Variants in LRRC4C observed in about 807,000 individuals in gnomAD.
LRRC4C encodes the protein leucine rich repeat containing 4C.
Under a neutral mutation model 33.6 loss-of-function variants are expected in LRRC4C, and 5 were observed. The ratio of observed to expected loss-of-function variants is 0.15; its 90% CI spans 0.08 to 0.31. The LOEUF (loss-of-function observed/expected upper bound fraction) is 0.31. Ranked by LOEUF, LRRC4C falls within the 10% of genes least tolerant of loss-of-function variation. LRRC4C has a pLI of 1.00. For synonymous variants in LRRC4C, 329 were observed against 302.0 expected (o/e 1.09, Z -0.93); for missense variants, 560 against 796.7 (o/e 0.70, Z 3.58).
At position 41,025,794 on chromosome 11, in the gene LRRC4C, G is replaced by A. The variant is rs547594879; in HGVS notation, c.-495-92071C>T. ...CATCTAGAACTTTCATAGCTAGAGA[G>A]AAAAAGACAATGTCTAGTTTCAAAG... On this transcript the variant is annotated intron_variant, in intron 1 of 6. Transcript: ENST00000528697. Among the ~76,000 whole-genome samples, 7 of 151,820 alleles carry A rather than the reference G, an allele frequency of 4.6e-5. No homozygotes were observed. In the South Asian group the frequency reaches 1.4e-3, roughly 31 times the overall value.
At chr11:40,743,015 G>A (rs1239106880) in intron 2 of LRRC4C, among the ~76,000 whole-genome samples, 2 of 151,914 alleles carry the variant, frequency 1.3e-5, no homozygotes, top group Non-Finnish European at 2.9e-5. Context: ...CTACAACTTG[G>A]GAAAGGTAGA....
At chr11:41,238,944 T>A (rs1275472354) in intron 1 of LRRC4C, among the ~76,000 whole-genome samples, 1 of 151,990 alleles carries the variant, frequency 6.6e-6, no homozygotes, top group Non-Finnish European at 1.5e-5. Flanking sequence ...TTTCCCATAT[T>A]ATATATTTTT....
chr11:40,441,705 AT>A (rs1565392044), intron 3 of LRRC4C, among the ~76,000 whole-genome samples: 1 of 152,214 alleles, frequency 6.6e-6, no homozygotes, highest in Non-Finnish European at 1.5e-5. Flanking sequence ...GAAGTCTTCT[AT>A]GAGAAGGTGA....
chr11:41,389,294 G>A (rs1000007690), intron 1 of LRRC4C, among the ~76,000 whole-genome samples: 1 of 151,736 alleles, frequency 6.6e-6, no homozygotes, highest in South Asian at 2.1e-4. Context: ...GAAAACCAAG[G>A]TTCCAAGAGT....
chr11:40,558,004 C>G (rs985318330), intron 3 of LRRC4C, among the ~76,000 whole-genome samples: 2 of 152,092 alleles, frequency 1.3e-5, no homozygotes, highest in Non-Finnish European at 2.9e-5. Flanking sequence ...TAGGGCAACA[C>G]CACAAAGATT....
intron 1 of LRRC4C, among the ~76,000 whole-genome samples, chr11:41,317,590 A>G (rs2137241389): frequency 6.6e-6 from 1 of 152,060 alleles, no homozygotes; most frequent in East Asian, 1.9e-4. Context: ...CTATTTTCCT[A>G]TAGTTAAACT....
At chr11:40,333,387 T>C (rs1434245509) in intron 3 of LRRC4C, among the ~76,000 whole-genome samples, 1 of 152,170 alleles carries the variant, frequency 6.6e-6, no homozygotes, top group Non-Finnish European at 1.5e-5. Context: ...TCAAGCATAC[T>C]ATTTACGAGT....
chr11:40,596,440 C>CT (rs1034936800), intron 3 of LRRC4C, among the ~76,000 whole-genome samples: 14 of 150,650 alleles, frequency 9.3e-5, no homozygotes, highest in African/African-American at 2.9e-4. Flanking sequence ...TTTGTCATTT[C>CT]TTTTTTTTCA....
At chr11:40,242,393 G>GT (rs1488476689) in intron 4 of LRRC4C, among the ~76,000 whole-genome samples, 9 of 151,960 alleles carry the variant, frequency 5.9e-5, no homozygotes, top group Non-Finnish European at 1.3e-4. Flanking sequence ...TGAGTTTTAT[G>GT]TTTTTCCCCT....
At chr11:40,750,474 A>G (rs1016316651) in intron 2 of LRRC4C, among the ~76,000 whole-genome samples, 1 of 151,990 alleles carries the variant, frequency 6.6e-6, no homozygotes, top group Non-Finnish European at 1.5e-5. Context: ...CTATGCAGCC[A>G]TAAAAAAGGA....
At chr11:40,323,684 A>G (rs1289290153) in intron 3 of LRRC4C, among the ~76,000 whole-genome samples, 3 of 152,200 alleles carry the variant, frequency 2.0e-5, no homozygotes, top group African/African-American at 7.2e-5. Context: ...TTTTCCTCTT[A>G]TGGATTTTTT....
At chr11:40,886,173 T>C (rs1005314161) in intron 2 of LRRC4C, among the ~76,000 whole-genome samples, 1 of 152,090 alleles carries the variant, frequency 6.6e-6, no homozygotes, top group African/African-American at 2.4e-5. Context: ...ATTTAGTTAT[T>C]AAATGAGTCA....
At chr11:40,180,947 A>G (rs1860943311) in intron 5 of LRRC4C, among the ~76,000 whole-genome samples, 1 of 152,214 alleles carries the variant, frequency 6.6e-6, no homozygotes, top group Non-Finnish European at 1.5e-5. Flanking sequence ...TTCTCTGATA[A>G]TCACCACAAA....
chr11:41,409,251 CT>C (rs1954367347), intron 1 of LRRC4C, among the ~76,000 whole-genome samples: 1 of 152,156 alleles, frequency 6.6e-6, no homozygotes, highest in Non-Finnish European at 1.5e-5. Flanking sequence ...CAAAATGTCT[CT>C]GATACCAATT....
Position 41,377,263 on chromosome 11 carries a change from A to T in LRRC4C, c.-496+82168T>A, listed in dbSNP as rs560508464. ...TTTGTGTGTCAGGCACTAGGCTAAG[A>T]CCCATAGTTAAATTGATAACGAGAT... On this transcript the variant is annotated intron_variant, in intron 1 of 6. Transcript: ENST00000528697. Among the ~76,000 whole-genome samples the T allele has an allele frequency of 1.3e-4, 20 of 152,256 alleles. No homozygotes were observed. In the Middle Eastern group the frequency reaches 0.01, roughly 78 times the overall value.
At chr11:41,349,885 G>T (rs2137555717) in intron 1 of LRRC4C, among the ~76,000 whole-genome samples, 1 of 152,188 alleles carries the variant, frequency 6.6e-6, no homozygotes, top group African/African-American at 2.4e-5. Context: ...GTTAACATAT[G>T]ATTTAAAAAT....
chr11:41,306,994 T>G (rs1950522816), intron 1 of LRRC4C, among the ~76,000 whole-genome samples: 1 of 152,216 alleles, frequency 6.6e-6, no homozygotes, highest in South Asian at 2.1e-4. Flanking sequence ...TCTAGATAGT[T>G]GTAGTTTGAA....
At chr11:40,237,820 A>ATATC (rs1243347972) in intron 5 of LRRC4C, among the ~76,000 whole-genome samples, 1 of 152,168 alleles carries the variant, frequency 6.6e-6, no homozygotes, top group African/African-American at 2.4e-5. Context: ...TAATATCACG[A>ATATC]TATCCTATAC....
In LRRC4C at chr11:41,123,433, C is replaced by G. The variant is rs968646953; in HGVS notation, c.-495-189710G>C. The stretch of plus-strand genomic sequence containing the variant: ...GACTACAGGCGCCCGCCACTACGCC[C>G]GGCTAATTTTTTGTATTTTTAGTAG... On this transcript the variant is annotated intron_variant, in intron 1 of 6. Transcript: ENST00000528697. Among the ~76,000 whole-genome samples the G allele has an allele frequency of 2.9e-4, 43 of 150,132 alleles. 1 individual carries two copies. Among genetic ancestry groups the G allele is most frequent in the Admixed American group, 2.8e-3 (43 of 15,098 alleles).
Sources: allele counts gnomAD v4.1 joint callset (sites outside exome capture counted in the v4.1 genomes callset), GRCh38; gene constraint gnomAD v4.1.1; transcripts MANE v1.5; gene names NCBI Gene and HGNC (gene_info 2026-07-23, HGNC 2026-07-21).